GPC5: variants seen among roughly 807,000 people sequenced by gnomAD.
The protein encoded by GPC5 is glypican-5.
In GPC5, 47 loss-of-function variants were observed where a neutral mutation model predicts 53.9. That is an observed-to-expected ratio of 0.87 (90% CI 0.69 to 1.11). GPC5 has a LOEUF of 1.11. GPC5 is among the 50% of genes most tolerant of loss of function. The probability of loss-of-function intolerance (pLI) is 0.00; values close to 1 mark genes in which losing one functional copy is unlikely to be tolerated. For synonymous variants in GPC5, 286 were observed against 263.3 expected (o/e 1.09, Z -0.84); for missense variants, 748 against 713.1 (o/e 1.05, Z -0.56).
chr13:92,616,335 T>C (rs1051401352), intron 7 of GPC5, among the ~76,000 whole-genome samples: 3 of 152,154 alleles, frequency 2.0e-5, no homozygotes, highest in African/African-American at 7.2e-5. Context: ...TGCCAATGTA[T>C]AGTAATCTGA....
intron 7 of GPC5, among the ~76,000 whole-genome samples, chr13:92,502,154 A>G (rs899374958): frequency 1.9e-4 from 29 of 152,086 alleles, no homozygotes; most frequent in Admixed American, 1.3e-3. Flanking sequence ...GAGAAAAGTT[A>G]AGTATTTGGA....
At chr13:91,529,969 G>T (rs1455891967) in intron 2 of GPC5, among the ~76,000 whole-genome samples, 1 of 151,794 alleles carries the variant, frequency 6.6e-6, no homozygotes, top group Non-Finnish European at 1.5e-5. Flanking sequence ...TTCTGTTTAG[G>T]GTCCTTAGTA....
chr13:92,768,836 A>G (rs945520184), intron 7 of GPC5, among the ~76,000 whole-genome samples: 5 of 151,482 alleles, frequency 3.3e-5, no homozygotes, highest in South Asian at 4.2e-4. Context: ...TTTATCTACT[A>G]TCTTCTCCCT....
chr13:91,882,900 G>A (rs192807847), intron 5 of GPC5, among the ~76,000 whole-genome samples: 49 of 152,196 alleles, frequency 3.2e-4, no homozygotes, highest in Non-Finnish European at 6.0e-4. Context: ...AGGAAAGGAA[G>A]CTAGAGATTG....
intron 7 of GPC5, among the ~76,000 whole-genome samples, chr13:92,428,122 AG>A (rs936023455): frequency 1.3e-5 from 2 of 152,110 alleles, no homozygotes; most frequent in African/African-American, 4.8e-5. Context: ...ATAAATACAT[AG>A]AAATGATTCC....
chr13:91,803,737 T>C (rs1238264273), intron 5 of GPC5, among the ~76,000 whole-genome samples: 1 of 150,836 alleles, frequency 6.6e-6, no homozygotes, highest in Non-Finnish European at 1.5e-5. Context: ...TTGCCTCTGG[T>C]AGACATTCTA....
intron 7 of GPC5, among the ~76,000 whole-genome samples, chr13:92,737,273 G>T (rs559970625): frequency 6.6e-6 from 1 of 152,106 alleles, no homozygotes; most frequent in East Asian, 1.9e-4. Flanking sequence ...CATGTGAACT[G>T]CAGTCAAAAT....
At chr13:92,741,191 G>C (rs1889081505) in intron 7 of GPC5, among the ~76,000 whole-genome samples, 1 of 150,850 alleles carries the variant, frequency 6.6e-6, no homozygotes, top group Admixed American at 6.7e-5. Context: ...ACTTTGCCAA[G>C]CATGTAGAAT....
At chr13:91,949,422 A>G (rs1180234183) in intron 6 of GPC5, among the ~76,000 whole-genome samples, 1 of 152,194 alleles carries the variant, frequency 6.6e-6, no homozygotes, top group South Asian at 2.1e-4. Flanking sequence ...AAGGAAAGCA[A>G]CAATTCTAAA....
At chr13:92,089,111 A>T (rs1189052853) in intron 6 of GPC5, among the ~76,000 whole-genome samples, 1 of 152,164 alleles carries the variant, frequency 6.6e-6, no homozygotes, top group African/African-American at 2.4e-5. Flanking sequence ...GAAAATGTGT[A>T]TTGGCTATTG....
At chr13:92,464,372 G>C (rs1433525808) in intron 7 of GPC5, among the ~76,000 whole-genome samples, 1 of 152,124 alleles carries the variant, frequency 6.6e-6, no homozygotes, top group East Asian at 1.9e-4. Flanking sequence ...AAAAATTATA[G>C]ATAGGTTTTG....
intron 7 of GPC5, among the ~76,000 whole-genome samples, chr13:92,729,475 TG>T (rs1363031922): frequency 6.6e-6 from 1 of 151,424 alleles, no homozygotes; most frequent in Non-Finnish European, 1.5e-5. Flanking sequence ...TCAAGTTAAA[TG>T]AAACATATTA....
chr13:91,946,319 G>T (rs1174843333), intron 6 of GPC5, among the ~76,000 whole-genome samples: 2 of 152,162 alleles, frequency 1.3e-5, no homozygotes, highest in Non-Finnish European at 2.9e-5. Context: ...CCATGGAAAT[G>T]TATGAATCTT....
chr13:92,539,326 G>T (rs1016417667), intron 7 of GPC5, among the ~76,000 whole-genome samples: 2 of 151,914 alleles, frequency 1.3e-5, no homozygotes, highest in African/African-American at 4.8e-5. Flanking sequence ...ATCTTCTCCA[G>T]CATCTGTTGT....
intron 7 of GPC5, among the ~76,000 whole-genome samples, chr13:92,711,986 C>T (rs1888154451): frequency 6.6e-6 from 1 of 151,514 alleles, no homozygotes; most frequent in Admixed American, 6.6e-5. Context: ...CTATAAGCTC[C>T]TACCTTAAAA....
intron 7 of GPC5, among the ~76,000 whole-genome samples, chr13:92,455,727 G>A (rs1878239838): frequency 6.6e-6 from 1 of 152,102 alleles, no homozygotes; most frequent in Non-Finnish European, 1.5e-5. Flanking sequence ...TTAAAATTAT[G>A]TTTTAAAGTT....
At chr13:91,791,335 A>G (rs2037960796) in intron 5 of GPC5, among the ~76,000 whole-genome samples, 1 of 152,186 alleles carries the variant, frequency 6.6e-6, no homozygotes. Context: ...TAGAGAAGAC[A>G]CAGCCGCTAC....
chr13:92,172,790 C>T (rs911717716), intron 7 of GPC5, among the ~76,000 whole-genome samples: 30 of 152,062 alleles, frequency 2.0e-4, no homozygotes, highest in South Asian at 4.2e-4. Context: ...TGGAAATGTG[C>T]AACATGATAT....
chr13:91,966,976 T>G (rs1229715519), intron 6 of GPC5, among the ~76,000 whole-genome samples: 1 of 152,226 alleles, frequency 6.6e-6, no homozygotes, highest in Non-Finnish European at 1.5e-5. Flanking sequence ...AACACTTATT[T>G]GCTTTTCCAT....
Sources: gnomAD v4.1 joint callset for allele counts (sites outside exome capture counted in the v4.1 genomes callset) on GRCh38, gnomAD v4.1.1 for gene constraint, MANE v1.5 for transcripts, NCBI Gene and HGNC (gene_info 2026-07-23, HGNC 2026-07-21) for gene names.